Variants in MDFIC2 observed in about 807,000 individuals in gnomAD.
The protein encoded by MDFIC2 is MyoD family inhibitor domain containing 2.
intron 2 of MDFIC2, among the ~76,000 whole-genome samples, chr3:70,277,745 G>C (rs1295964852): frequency 6.6e-6 from 1 of 152,136 alleles, no homozygotes; most frequent in Non-Finnish European, 1.5e-5. Flanking sequence ...ACAGGGAGGG[G>C]TGTGCTTGAG....
chr3:70,212,650 A>G (rs1337643854), intron 2 of MDFIC2, among the ~76,000 whole-genome samples: 1 of 152,144 alleles, frequency 6.6e-6, no homozygotes, highest in Non-Finnish European at 1.5e-5. Flanking sequence ...TCTTCAAGAT[A>G]TCTTATGCAT....
intron 3 of MDFIC2, among the ~76,000 whole-genome samples, chr3:70,199,717 G>A (rs1009047915): frequency 6.6e-6 from 1 of 152,140 alleles, no homozygotes; most frequent in African/African-American, 2.4e-5. Context: ...AAGAGCGTTG[G>A]ATTTCCTCTT....
intron 2 of MDFIC2, among the ~76,000 whole-genome samples, chr3:70,289,148 C>G: frequency 6.6e-6 from 1 of 150,806 alleles, no homozygotes; most frequent in Non-Finnish European, 1.5e-5. Flanking sequence ...CAGTTTCTTC[C>G]TAGTCTCGAT....
At chr3:70,298,731 TA>T (rs1035121273) in intron 2 of MDFIC2, among the ~76,000 whole-genome samples, 22 of 152,224 alleles carry the variant, frequency 1.4e-4, no homozygotes, top group African/African-American at 4.8e-4. Context: ...TTATTTGTTG[TA>T]ATGAGTGCAG....
intron 2 of MDFIC2, among the ~76,000 whole-genome samples, chr3:70,214,607 C>CTTTTTT (rs11391954): frequency 7.1e-6 from 1 of 140,310 alleles, no homozygotes; most frequent in Non-Finnish European, 1.5e-5. Flanking sequence ...CTGAAGTGGG[C>CTTTTTT]TTTTTTTTTT....
intron 2 of MDFIC2, among the ~76,000 whole-genome samples, chr3:70,255,003 G>A (rs1235826732): frequency 6.6e-6 from 1 of 152,082 alleles, no homozygotes; most frequent in Admixed American, 6.6e-5. Flanking sequence ...CATTTAGATT[G>A]TTCCTTATAA....
chr3:70,235,909 C>G lies in MDFIC2; in HGVS notation c.89-29119G>C, dbSNP rs146341498. Reference sequence around the variant, plus strand: ...ATGTTCATATTAGTGGTTCAATGGACGTAAGCTTCCTATGGGCAGTCACCA... The same window carrying G: ...ATGTTCATATTAGTGGTTCAATGGAGGTAAGCTTCCTATGGGCAGTCACCA... On this transcript the variant is annotated intron_variant, in intron 2 of 3. Transcript: ENST00000567252. Among the ~76,000 whole-genome samples, 174 of 152,252 alleles carry G rather than the reference C, an allele frequency of 1.1e-3. 2 individuals are homozygous for G. In the East Asian group the frequency reaches 0.031, roughly 27 times the overall value.
At chr3:70,303,724 C>T (rs1702372691) in intron 2 of MDFIC2, among the ~76,000 whole-genome samples, 2 of 152,036 alleles carry the variant, frequency 1.3e-5, no homozygotes, top group South Asian at 4.2e-4. Flanking sequence ...CTCTGTTGCC[C>T]AGGCTGAAGT....
rs146222283 is a variant in MDFIC2 at position 70,253,492 on chromosome 3, G to A, written c.89-46702C>T. Reference sequence around the variant, plus strand: ...CATCCAGCTGGGCACAGTGGCTCATGCCTGTCATCCCAGCACTTTGGGAGG... The same window carrying A: ...CATCCAGCTGGGCACAGTGGCTCATACCTGTCATCCCAGCACTTTGGGAGG... On this transcript the variant is annotated intron_variant, in intron 2 of 3. Coordinates refer to ENST00000567252, the MANE Select transcript of MDFIC2 (RefSeq NM_001364677.1). Among the ~76,000 whole-genome samples, 307 of 152,336 alleles carry A rather than the reference G, an allele frequency of 2.0e-3. 1 individual carries two copies. The highest frequency in any genetic ancestry group is 2.9e-3 in the Non-Finnish European group (200 of 68,036).
At chr3:70,235,580 G>A (rs146062047) in intron 2 of MDFIC2, among the ~76,000 whole-genome samples, 93 of 152,242 alleles carry the variant, frequency 6.1e-4, no homozygotes, top group African/African-American at 2.0e-3. Context: ...CAGGCTCACG[G>A]CTCTGTCCTT....
intron 2 of MDFIC2, among the ~76,000 whole-genome samples, chr3:70,232,894 G>T (rs1471649330): frequency 2.0e-5 from 3 of 152,090 alleles, no homozygotes; most frequent in African/African-American, 7.2e-5. Flanking sequence ...GCCTATGAAA[G>T]TTTGAAGCCC....
chr3:70,226,920 T>C (rs1250766334), intron 2 of MDFIC2, among the ~76,000 whole-genome samples: 1 of 152,118 alleles, frequency 6.6e-6, no homozygotes, highest in African/African-American at 2.4e-5. Context: ...ATGAAGCTTT[T>C]GATCTTTACC....
chr3:70,270,926 C>A (rs1309609404), intron 2 of MDFIC2, among the ~76,000 whole-genome samples: 1 of 151,958 alleles, frequency 6.6e-6, no homozygotes, highest in Non-Finnish European at 1.5e-5. Context: ...GGAGAAATAC[C>A]TAATGTAGAT....
chr3:70,251,641 C>T (rs1310916046), intron 2 of MDFIC2, among the ~76,000 whole-genome samples: 1 of 152,168 alleles, frequency 6.6e-6, no homozygotes, highest in Non-Finnish European at 1.5e-5. Flanking sequence ...AATTTAGGTT[C>T]TGCTTTTGCA....
At chr3:70,310,408 C>A (rs566902464) in intron 2 of MDFIC2, among the ~76,000 whole-genome samples, 30 of 152,050 alleles carry the variant, frequency 2.0e-4, no homozygotes, top group African/African-American at 7.0e-4. Flanking sequence ...CTCAGTCACC[C>A]AGGCTGGAGT....
At chr3:70,296,916 G>T (rs886450487) in intron 2 of MDFIC2, among the ~76,000 whole-genome samples, 3 of 151,788 alleles carry the variant, frequency 2.0e-5, no homozygotes, top group African/African-American at 7.3e-5. Context: ...CTTTCATATG[G>T]CTAATAAATC....
In MDFIC2 at chr3:70,251,504, A is replaced by C. The variant is rs1701767733; in HGVS notation, c.89-44714T>G. 3.3e-5 allele frequency among the ~76,000 whole-genome samples: 5 copies of C among 152,184 alleles called. No homozygotes were observed. In the South Asian group the frequency reaches 1.0e-3, roughly 31 times the overall value. ...TCTACACTTTTTCATTCCCTTAAAT[A>C]GTATTTTATAGGCATAGCCTTGCTC... On this transcript the variant is annotated intron_variant, in intron 2 of 3. Coordinates refer to ENST00000567252, the MANE Select transcript of MDFIC2 (RefSeq NM_001364677.1).
chr3:70,197,262 C>G (rs1701191428), intron 3 of MDFIC2, 77 bp from the exon 4 acceptor site: 2 of 397,690 alleles, frequency 5.0e-6, no homozygotes, highest in Non-Finnish European at 8.9e-6. Flanking sequence ...TGCTGGGATA[C>G]TTGATAACTT....
chr3:70,258,671 CTA>C (rs1701839875), intron 2 of MDFIC2, among the ~76,000 whole-genome samples: 1 of 152,070 alleles, frequency 6.6e-6, no homozygotes, highest in South Asian at 2.1e-4. Flanking sequence ...TAAAAAGAAA[CTA>C]TGCAGTCAAA....
Sources: allele counts gnomAD v4.1 joint callset (sites outside exome capture counted in the v4.1 genomes callset), GRCh38; gene constraint gnomAD v4.1.1; transcripts MANE v1.5; gene names NCBI Gene and HGNC (gene_info 2026-07-23, HGNC 2026-07-21).